The following PIWIL3 variants were observed in gnomAD, a reference collection of about 807,000 sequenced individuals.
PIWIL3 encodes piwi-like protein 3.
Under a neutral mutation model 109.7 loss-of-function variants are expected in PIWIL3, and 101 were observed. The ratio of observed to expected loss-of-function variants is 0.92; its 90% CI spans 0.78 to 1.09. The LOEUF is 1.09. PIWIL3 is among the 50% of genes least tolerant of loss of function. The pLI is 0.00. For missense variants in PIWIL3, 1,031 were observed against 1,072.6 expected (o/e 0.96, Z 0.54); for synonymous variants, 373 against 376.4 (o/e 0.99, Z 0.10).
At chr22:24,760,941 T>C (rs1925399697) in intron 2 of PIWIL3, among the ~76,000 whole-genome samples, 1 of 151,454 alleles carries the variant, frequency 6.6e-6, no homozygotes, top group East Asian at 1.9e-4. Flanking sequence ...TGGTGAGAAA[T>C]TGTCTGATAC....
At chr22:24,736,006 C>T in intron 12 of PIWIL3, 114 bp from the exon 13 acceptor site, 1 of 844,174 alleles carries the variant, frequency 1.2e-6, no homozygotes, top group South Asian at 2.2e-5. Context: ...CAATTATAAA[C>T]TTGAATGGCC....
At chr22:24,756,389 G>T in intron 5 of PIWIL3, 102 bp downstream of exon 5, 1 of 1,130,820 alleles carries the variant, frequency 8.8e-7, no homozygotes, top group Non-Finnish European at 1.3e-6. Flanking sequence ...AGAGCCTTGG[G>T]ATGTCTCAAC....
chr22:24,748,781 TAGAA>T (rs1365598313), intron 12 of PIWIL3, 122 bp downstream of exon 12: 1 of 688,948 alleles, frequency 1.5e-6, no homozygotes, highest in Non-Finnish European at 2.4e-6. Context: ...TGGCTCAATA[TAGAA>T]AGAATGAGCA....
chr22:24,736,408 G>C (rs2147668345), intron 12 of PIWIL3, among the ~76,000 whole-genome samples: 1 of 152,298 alleles, frequency 6.6e-6, no homozygotes, highest in African/African-American at 2.4e-5. Context: ...TTTCAGTGCT[G>C]TTAGACTCAG....
intron 3 of PIWIL3, 119 bp downstream of exon 3, chr22:24,759,750 C>T: frequency 7.0e-7 from 1 of 1,438,182 alleles, no homozygotes; most frequent in South Asian, 1.3e-5. Context: ...GCTGCACACA[C>T]TTCCCATCCC....
chr22:24,737,754 C>T (rs956567536), intron 12 of PIWIL3, among the ~76,000 whole-genome samples: 35 of 152,228 alleles, frequency 2.3e-4, no homozygotes, highest in African/African-American at 7.0e-4. Context: ...CAGCATTCAC[C>T]GCAAGCTGAC....
At chr22:24,739,314 C>T (rs557364570) in intron 12 of PIWIL3, among the ~76,000 whole-genome samples, 1 of 152,182 alleles carries the variant, frequency 6.6e-6, no homozygotes, top group African/African-American at 2.4e-5. Flanking sequence ...CAGAACTTCC[C>T]AAACCTAAAG....
At chr22:24,770,310 T>C (rs1277843818) in intron 1 of PIWIL3, among the ~76,000 whole-genome samples, 1 of 152,250 alleles carries the variant, frequency 6.6e-6, no homozygotes. Flanking sequence ...TAGGTTTTTC[T>C]GAAGTATGTC....
At chr22:24,773,777 C>T (rs1362172762) in intron 1 of PIWIL3, among the ~76,000 whole-genome samples, 4 of 137,906 alleles carry the variant, frequency 2.9e-5, no homozygotes, top group South Asian at 2.3e-4. Flanking sequence ...TACAGTGGTG[C>T]GATCTTGGCT....
chr22:24,730,707 A>C (rs972220902), intron 14 of PIWIL3, among the ~76,000 whole-genome samples: 20 of 152,364 alleles, frequency 1.3e-4, no homozygotes, highest in African/African-American at 4.3e-4. Context: ...AATATCTAAA[A>C]AAAATGAAAG....
intron 3 of PIWIL3, among the ~76,000 whole-genome samples, chr22:24,759,174 T>C (rs1038623175): frequency 1.3e-5 from 2 of 152,252 alleles, no homozygotes; most frequent in Admixed American, 1.3e-4. Context: ...TGTGAGCCAC[T>C]GCACCCAGTC....
intron 2 of PIWIL3, among the ~76,000 whole-genome samples, chr22:24,760,402 C>G (rs1035603440): frequency 2.0e-5 from 3 of 152,006 alleles, no homozygotes; most frequent in Non-Finnish European, 4.4e-5. Context: ...AATGAGGCAG[C>G]CAGTGTGGCT....
At chr22:24,723,644 A>G (rs773078779) in intron 18 of PIWIL3, among the ~76,000 whole-genome samples, 5 of 152,200 alleles carry the variant, frequency 3.3e-5, no homozygotes, top group Non-Finnish European at 7.3e-5. Context: ...TAAAAGAAGG[A>G]TAAGTGTGAA....
intron 12 of PIWIL3, among the ~76,000 whole-genome samples, chr22:24,739,635 CA>C (rs1242503067): frequency 3.3e-5 from 5 of 151,954 alleles, no homozygotes; most frequent in African/African-American, 1.2e-4. Context: ...TCCAGACAAA[CA>C]AAAGCCGAGG....
chr22:24,767,386 T>A (rs976151381), intron 1 of PIWIL3, among the ~76,000 whole-genome samples: 58 of 150,546 alleles, frequency 3.9e-4, no homozygotes, highest in Middle Eastern at 3.4e-3. Context: ...AAAAAATAAA[T>A]AAATAAATAA....
chr22:24,763,127 G>A (rs111805757), intron 1 of PIWIL3, among the ~76,000 whole-genome samples: 1,560 of 150,030 alleles, frequency 0.01, 33 homozygotes, highest in African/African-American at 0.036. Flanking sequence ...AAAGACAGGA[G>A]ACCTGGTAAA....
intron 1 of PIWIL3, among the ~76,000 whole-genome samples, chr22:24,768,229 T>G (rs1054597479): frequency 6.6e-6 from 1 of 151,960 alleles, no homozygotes; most frequent in Non-Finnish European, 1.5e-5. Context: ...TGTTGTTGTT[T>G]TTTGTTGTTG....
rs772538147 is a variant in PIWIL3 at position 24,751,459 on chromosome 22, C to T, written c.1017G>A (p.Trp339Ter). ...NKTYRVDDID[W>*]KQNPEDTFNK... Reference sequence around the variant, plus strand: ...TAAATGTGTCTTCAGGATTCTGCTTCCAATCAATATCATCTACTCTGTAGG... The same window carrying T: ...TAAATGTGTCTTCAGGATTCTGCTTTCAATCAATATCATCTACTCTGTAGG... Residue 339 changes from tryptophan to a stop codon, truncating the protein, a stop_gained, in exon 9 of 21, where the codon TGG (tryptophan) becomes TGA (stop). Coordinates refer to ENST00000616349, the MANE Select transcript of PIWIL3 (RefSeq NM_001255975.1). LOFTEE classifies it high-confidence loss of function. 33 of 1,613,834 alleles carry T rather than the reference C, an allele frequency of 2.0e-5. No homozygotes were observed. The highest frequency in any genetic ancestry group is 2.5e-5 in the Non-Finnish European group (30 of 1,179,982).
In PIWIL3 at chr22:24,734,941, A is replaced by G. The variant is rs34000744; in HGVS notation, c.1634+767T>C. Among the ~76,000 whole-genome samples, 1,173 of 151,986 alleles carry G rather than the reference A, an allele frequency of 7.7e-3. 13 individuals are homozygous for G. The highest frequency in any genetic ancestry group is 0.014 in the Non-Finnish European group (919 of 67,996). On this transcript the variant is annotated intron_variant, in intron 13 of 20. Transcript: ENST00000616349. ...GAGGGTTTGTTGTACAGATTTTATC[A>G]TCCAAGTACTAAGCAAAAGAAGCCG...
Sources: gnomAD v4.1 joint callset for allele counts (sites outside exome capture counted in the v4.1 genomes callset) on GRCh38, gnomAD v4.1.1 for gene constraint, MANE v1.5 for transcripts, NCBI Gene and HGNC (gene_info 2026-07-23, HGNC 2026-07-21) for gene names.